The following DTHD1 variants were observed in gnomAD, a reference collection of about 807,000 sequenced individuals.
DTHD1 encodes the protein death domain-containing protein 1.
DTHD1 carries 59 observed loss-of-function variants against 74.8 expected under a neutral mutation model. The ratio of observed to expected loss-of-function variants is 0.79; its 90% CI spans 0.64 to 0.98. DTHD1 has a LOEUF of 0.98. DTHD1 is among the 50% of genes least tolerant of loss of function. The pLI is 0.00. For synonymous variants in DTHD1, 365 were observed against 371.1 expected (o/e 0.98, Z 0.19); for missense variants, 1,051 against 1,065.4 (o/e 0.99, Z 0.19).
chr4:36,285,470 C>A (rs1755646346), intron 2 of DTHD1, among the ~76,000 whole-genome samples: 1 of 152,000 alleles, frequency 6.6e-6, no homozygotes, highest in Non-Finnish European at 1.5e-5. Context: ...TGGATATGGT[C>A]TAGAACTGTC....
At chr4:36,293,787 T>G in intron 4 of DTHD1, 82 bp downstream of exon 4, 1 of 1,203,324 alleles carries the variant, frequency 8.3e-7, no homozygotes, top group Non-Finnish European at 1.1e-6. Context: ...AAAGAAGGTA[T>G]CAATATTTAA....
Position 36,308,196 on chromosome 4 carries a change from C to T in DTHD1, c.1806-8C>T, listed in dbSNP as rs1757167507. Reference sequence around the variant, plus strand: ...TTCCCTGGGGTCTCACCTCTTTCTTCCATGCAGGTTTATTGTACTTCACCT... The same window carrying T: ...TTCCCTGGGGTCTCACCTCTTTCTTTCATGCAGGTTTATTGTACTTCACCT... On this transcript the variant is annotated splice_polypyrimidine_tract_variant and splice_region_variant and intron_variant, in intron 6 of 9. Transcript: ENST00000639862. 3.2e-6 allele frequency: 5 copies of T among 1,549,640 alleles called. No homozygotes were observed. Among genetic ancestry groups the T allele is most frequent in the Admixed American group, 2.0e-5 (1 of 50,810 alleles).
At chr4:36,286,533 C>T (rs1021157948) in intron 2 of DTHD1, among the ~76,000 whole-genome samples, 2 of 152,168 alleles carry the variant, frequency 1.3e-5, no homozygotes, top group African/African-American at 4.8e-5. Flanking sequence ...CTATCTCTTC[C>T]TAGCTGTCCT....
At chr4:36,318,739 C>G (rs954559355) in intron 8 of DTHD1, among the ~76,000 whole-genome samples, 5 of 151,688 alleles carry the variant, frequency 3.3e-5, no homozygotes, top group Admixed American at 6.6e-5. Flanking sequence ...CTCAGCCTCC[C>G]GAGTAGCTGG....
chr4:36,308,645 C>T (rs1319370260), intron 7 of DTHD1, among the ~76,000 whole-genome samples, 152 bp downstream of exon 7: 6 of 152,158 alleles, frequency 3.9e-5, no homozygotes, highest in African/African-American at 1.2e-4. Context: ...ATTTATTATA[C>T]TTTTTTTGTT....
intron 7 of DTHD1, among the ~76,000 whole-genome samples, chr4:36,308,865 A>C (rs1228725660): frequency 6.6e-6 from 1 of 152,184 alleles, no homozygotes; most frequent in Non-Finnish European, 1.5e-5. Flanking sequence ...GATCATTTAA[A>C]AACATAAATC....
At chr4:36,315,205 T>C (rs1267430703) in intron 7 of DTHD1, among the ~76,000 whole-genome samples, 1 of 152,218 alleles carries the variant, frequency 6.6e-6, no homozygotes, top group Non-Finnish European at 1.5e-5. Context: ...TGAAATATCC[T>C]GATTGTCATG....
rs1578442809 is a variant in DTHD1, at chr4:36,295,058, T to C, written c.1643+19T>C. 6.6e-7 allele frequency: 1 copy of C among 1,507,162 alleles called. No homozygotes were observed. 93.4% of individuals were successfully genotyped at this position (1,507,162 alleles called of 1,614,324 possible). A position where few individuals can be genotyped will look rare whatever the true frequency, so the allele number is the denominator to read the frequency against. On this transcript the variant is annotated intron_variant, in intron 5 of 9. Coordinates refer to ENST00000639862, the MANE Select transcript of DTHD1 (RefSeq NM_001170700.3). ...TCAACCGGTGAGTAAGTTTCTAATA[T>C]TGTAAACTGGCTTAATGTCAAACAA...
At chr4:36,329,535 C>T (rs183259980) in intron 8 of DTHD1, among the ~76,000 whole-genome samples, 3 of 152,136 alleles carry the variant, frequency 2.0e-5, no homozygotes, top group Admixed American at 6.5e-5. Context: ...CATTCATACC[C>T]CCTAAAATGT....
At chr4:36,303,954 C>T (rs1461049967) in intron 5 of DTHD1, among the ~76,000 whole-genome samples, 3 of 151,998 alleles carry the variant, frequency 2.0e-5, no homozygotes, top group African/African-American at 4.8e-5. Context: ...TTTTTTCATT[C>T]ACATCATTTA....
chr4:36,316,102 A>G, intron 7 of DTHD1, 140 bp from the exon 8 acceptor site: 1 of 727,832 alleles, frequency 1.4e-6, no homozygotes, highest in South Asian at 1.9e-5. Context: ...CGCCCGGTTA[A>G]TTTTTTGTAT....
Position 36,347,492 on chromosome 4 carries a change from C to T in DTHD1, c.*3668C>T, listed in dbSNP as rs6820224. Among the ~76,000 whole-genome samples, 3,191 of 152,180 alleles carry T rather than the reference C, an allele frequency of 0.021. 54 individuals carry two copies. Among genetic ancestry groups the T allele is most frequent in the Admixed American group, 0.037 (568 of 15,282 alleles). On this transcript the variant is annotated 3_prime_UTR_variant, in exon 10 of 10. Transcript: ENST00000639862. Reference sequence around the variant, plus strand: ...GTGTTCTATATTCAGGACCATTTAGCAATTAAACTTTGAACATCATTATTC... The same window carrying T: ...GTGTTCTATATTCAGGACCATTTAGTAATTAAACTTTGAACATCATTATTC...
chr4:36,326,894 T>C (rs779759419), intron 8 of DTHD1, among the ~76,000 whole-genome samples: 1 of 152,100 alleles, frequency 6.6e-6, no homozygotes, highest in Non-Finnish European at 1.5e-5. Flanking sequence ...TTCAGATTAC[T>C]CTTTCTATTG....
chr4:36,287,832 G>A (rs1446579849), intron 2 of DTHD1, among the ~76,000 whole-genome samples: 1 of 151,892 alleles, frequency 6.6e-6, no homozygotes, highest in African/African-American at 2.4e-5. Context: ...TGATGGGATT[G>A]TTTGTTTTTT....
chr4:36,300,900 C>G (rs1160256364), intron 5 of DTHD1, among the ~76,000 whole-genome samples: 1 of 152,090 alleles, frequency 6.6e-6, no homozygotes, highest in Admixed American at 6.5e-5. Flanking sequence ...AGGTAGTGTA[C>G]TTAGAAGTAT....
intron 8 of DTHD1, among the ~76,000 whole-genome samples, chr4:36,325,951 C>T (rs976192997): frequency 6.6e-6 from 1 of 152,136 alleles, no homozygotes; most frequent in African/African-American, 2.4e-5. Context: ...ATGATTTCAT[C>T]ACTCTTCCAA....
rs1399079372 is a variant in DTHD1 at position 36,344,906 on chromosome 4, C to T, written c.*1082C>T. 1 of 151,812 alleles carries T rather than the reference C, an allele frequency of 6.6e-6. No individual in the cohort carries two copies. The highest frequency in any genetic ancestry group is 1.5e-5 in the Non-Finnish European group (1 of 67,930). The allele number at this position is 151,812 out of a possible 1,614,324, so 9.4% of individuals were successfully genotyped here. A position where few individuals can be genotyped will look rare whatever the true frequency, so the allele number is the denominator to read the frequency against. On this transcript the variant is annotated 3_prime_UTR_variant, in exon 10 of 10. Transcript: ENST00000639862. ...TAAATTGGACTGAAAGACTTGATGT[C>T]GGTGGTAGTAACTCACTTTAAAAAA...
chr4:36,335,193 G>A (rs374872465), intron 8 of DTHD1, among the ~76,000 whole-genome samples: 48 of 152,170 alleles, frequency 3.2e-4, no homozygotes, highest in African/African-American at 1.0e-3. Context: ...CATTTAAATC[G>A]AGAGACGATA....
chr4:36,289,598 G>C (rs1755931755), intron 2 of DTHD1, among the ~76,000 whole-genome samples: 2 of 152,090 alleles, frequency 1.3e-5, no homozygotes, highest in Non-Finnish European at 1.5e-5. Flanking sequence ...TGTGAGAATA[G>C]TGTGTAACCT....
Sources: allele counts gnomAD v4.1 joint callset (sites outside exome capture counted in the v4.1 genomes callset), GRCh38; gene constraint gnomAD v4.1.1; transcripts MANE v1.5; gene names NCBI Gene and HGNC (gene_info 2026-07-23, HGNC 2026-07-21).